The following PDE7B variants were observed in gnomAD, a reference collection of about 807,000 sequenced individuals.
PDE7B encodes phosphodiesterase 7B, also known as 3',5'-cyclic-AMP phosphodiesterase 7B.
PDE7B carries 29 observed loss-of-function variants against 56.2 expected under a neutral mutation model. That is an observed-to-expected ratio of 0.52 (90% CI 0.38 to 0.70). The LOEUF (loss-of-function observed/expected upper bound fraction) is 0.70. Ranked by LOEUF, PDE7B falls within the 30% of genes least tolerant of loss-of-function variation. The pLI is 0.00. For missense variants in PDE7B, 490 were observed against 565.0 expected (o/e 0.87, Z 1.35); for synonymous variants, 197 against 196.9 (o/e 1.00, Z 0.00).
intron 2 of PDE7B, among the ~76,000 whole-genome samples, chr6:135,977,427 C>T (rs57562777): frequency 0.013 from 2,031 of 151,786 alleles, 47 homozygotes; most frequent in African/African-American, 0.047. Context: ...ACTCCAGGGC[C>T]GAAAGCAGAA....
At chr6:136,092,977 G>A (rs960239727) in intron 2 of PDE7B, among the ~76,000 whole-genome samples, 1 of 152,282 alleles carries the variant, frequency 6.6e-6, no homozygotes, top group Non-Finnish European at 1.5e-5. Flanking sequence ...TATGTGAGGT[G>A]ATGGATGCAT....
chr6:135,874,925 T>C (rs1350459563), intron 1 of PDE7B, among the ~76,000 whole-genome samples: 1 of 152,176 alleles, frequency 6.6e-6, no homozygotes, highest in Non-Finnish European at 1.5e-5. Flanking sequence ...GTTTGCCTGG[T>C]AGATAAATGT....
At chr6:136,047,134 A>T (rs765859897) in intron 2 of PDE7B, among the ~76,000 whole-genome samples, 1 of 152,326 alleles carries the variant, frequency 6.6e-6, no homozygotes, top group East Asian at 1.9e-4. Context: ...TCTGAGTTAC[A>T]TTCCCATGTA....
At chr6:135,863,482 G>A (rs546841988) in intron 1 of PDE7B, among the ~76,000 whole-genome samples, 18 of 152,014 alleles carry the variant, frequency 1.2e-4, no homozygotes, top group East Asian at 9.7e-4. Context: ...GACCTAAAAA[G>A]GTTCAGCACA....
At chr6:135,997,412 T>C (rs901781378) in intron 2 of PDE7B, among the ~76,000 whole-genome samples, 2 of 13,458 alleles carry the variant, frequency 1.5e-4, no homozygotes, top group Non-Finnish European at 2.7e-4. Context: ...AGACCCTGTC[T>C]CAAAAAAAAA....
In PDE7B at chr6:136,031,283, T is replaced by C. The variant is rs368180204; in HGVS notation, c.83-77448T>C. Among the ~76,000 whole-genome samples, 16 of 152,284 alleles carry C rather than the reference T, an allele frequency of 1.1e-4. 1 individual carries two copies. The highest frequency in any genetic ancestry group is 5.8e-4 in the East Asian group (3 of 5,192). On this transcript the variant is annotated intron_variant, in intron 2 of 12. Coordinates refer to ENST00000308191, the MANE Select transcript of PDE7B (RefSeq NM_018945.4). ...ACCTTGACATCCCCAGGAAACCTGTTAAAAATGCAGAGTCTCAGGTCCCGG... is the reference window on the plus strand; with the variant it reads ...ACCTTGACATCCCCAGGAAACCTGTCAAAAATGCAGAGTCTCAGGTCCCGG...
chr6:136,045,443 T>C (rs1449689069), intron 2 of PDE7B, among the ~76,000 whole-genome samples: 1 of 152,206 alleles, frequency 6.6e-6, no homozygotes, highest in Non-Finnish European at 1.5e-5. Context: ...ACCTAAAAAA[T>C]CCACAGGACA....
Position 136,191,859 on chromosome 6 carries a change from C to A in PDE7B, c.*19C>A, listed in dbSNP as rs371913476. On this transcript the variant is annotated 3_prime_UTR_variant, in exon 13 of 13. Transcript: ENST00000308191. ...CCCCTAGGGGCCGGCCCAACTTAGA[C>A]GCGGCTCTCCTCCGGCAGGGCCCCC... The A allele has an allele frequency of 2.6e-6, 4 of 1,532,268 alleles. No homozygotes were observed. Among genetic ancestry groups the A allele is most frequent in the African/African-American group, 1.4e-5 (1 of 72,784 alleles). The allele number at this position is 1,532,268 out of a possible 1,614,324, so 94.9% of individuals were successfully genotyped here.
intron 1 of PDE7B, among the ~76,000 whole-genome samples, chr6:135,894,842 T>G (rs897517584): frequency 1.3e-5 from 2 of 152,154 alleles, no homozygotes; most frequent in Non-Finnish European, 2.9e-5. Context: ...TCAATCATAA[T>G]TTCTACTCCG....
intron 2 of PDE7B, among the ~76,000 whole-genome samples, chr6:136,072,023 G>C (rs1168736503): frequency 6.6e-6 from 1 of 152,068 alleles, no homozygotes; most frequent in Non-Finnish European, 1.5e-5. Context: ...TGCCTTAAAA[G>C]GTACACAGCA....
At chr6:135,916,294 T>A (rs1486940116) in intron 1 of PDE7B, among the ~76,000 whole-genome samples, 2 of 152,120 alleles carry the variant, frequency 1.3e-5, no homozygotes, top group Admixed American at 1.3e-4. Context: ...ATTTTTCTGA[T>A]GAGTAATCAT....
chr6:136,013,975 T>C lies in PDE7B; in HGVS notation c.82+66451T>C, dbSNP rs17065209. Among the ~76,000 whole-genome samples the C allele has an allele frequency of 9.1e-3, 1,388 of 152,350 alleles. 14 individuals are homozygous for C. The highest frequency in any genetic ancestry group is 0.034 in the Middle Eastern group (10 of 294). On this transcript the variant is annotated intron_variant, in intron 2 of 12. Transcript: ENST00000308191. ...GGTTTTCTCTGAGCGGTTCTTCCTGTTGTAAACTAAGTTCAAACCCAAGTA... is the reference window on the plus strand; with the variant it reads ...GGTTTTCTCTGAGCGGTTCTTCCTGCTGTAAACTAAGTTCAAACCCAAGTA...
At chr6:135,909,133 G>T (rs1776166809) in intron 1 of PDE7B, among the ~76,000 whole-genome samples, 1 of 151,996 alleles carries the variant, frequency 6.6e-6, no homozygotes, top group African/African-American at 2.4e-5. Flanking sequence ...TTGTTGTGGG[G>T]CATGTAAAAT....
chr6:136,106,596 G>A (rs186339267), intron 2 of PDE7B, among the ~76,000 whole-genome samples: 34 of 152,278 alleles, frequency 2.2e-4, no homozygotes, highest in East Asian at 1.5e-3. Flanking sequence ...ACTACAGAGC[G>A]AATAGTAGTC....
intron 2 of PDE7B, among the ~76,000 whole-genome samples, chr6:136,004,435 A>G (rs1042487151): frequency 4.6e-5 from 7 of 152,156 alleles, no homozygotes; most frequent in Admixed American, 3.3e-4. Context: ...AGATGACATG[A>G]TTGTATATCT....
intron 3 of PDE7B, among the ~76,000 whole-genome samples, chr6:136,127,050 A>G (rs933522152): frequency 2.0e-5 from 3 of 152,180 alleles, no homozygotes; most frequent in African/African-American, 4.8e-5. Flanking sequence ...TTTTAAAGAA[A>G]ACAAAACTTT....
chr6:135,979,271 C>T (rs532737160), intron 2 of PDE7B, among the ~76,000 whole-genome samples: 13 of 151,688 alleles, frequency 8.6e-5, no homozygotes, highest in East Asian at 7.7e-4. Flanking sequence ...CTGCTGGATT[C>T]GGTTTGCCAG....
chr6:136,038,496 T>C, intron 2 of PDE7B: 3 of 1,288,556 alleles, frequency 2.3e-6, no homozygotes, highest in Non-Finnish European at 3.0e-6. Context: ...AGAGGCATTC[T>C]GGACAATGAA....
At chr6:136,172,060 C>T (rs2128449961) in intron 8 of PDE7B, among the ~76,000 whole-genome samples, 1 of 152,030 alleles carries the variant, frequency 6.6e-6, no homozygotes, top group Middle Eastern at 3.4e-3. Context: ...GGGTTGGTTC[C>T]AAGTCTTTGC....
Sources: allele counts gnomAD v4.1 joint callset (sites outside exome capture counted in the v4.1 genomes callset), GRCh38; gene constraint gnomAD v4.1.1; transcripts MANE v1.5; gene names NCBI Gene and HGNC (gene_info 2026-07-23, HGNC 2026-07-21).